The following NALF1 variants were observed in gnomAD, a reference collection of about 807,000 sequenced individuals.
NALF1 encodes family with sequence similarity 155 member A.
NALF1 carries 3 observed loss-of-function variants against 48.4 expected under a neutral mutation model. That is an observed-to-expected ratio of 0.06 (90% CI 0.03 to 0.16). The LOEUF is 0.16. Among genes scored for constraint, NALF1 ranks in the 10% least tolerant of loss-of-function variants. NALF1 has a pLI of 1.00. For synonymous variants in NALF1, 262 were observed against 245.7 expected, an observed-to-expected ratio of 1.07 and a Z score of -0.62; for missense variants, 526 against 571.5, an observed-to-expected ratio of 0.92 and a Z score of 0.81.
chr13:107,611,930 AGAAAG>A (rs1475351533), intron 1 of NALF1, among the ~76,000 whole-genome samples: 2 of 149,870 alleles, frequency 1.3e-5, no homozygotes, highest in African/African-American at 2.5e-5. Flanking sequence ...CTCAGAAGAA[AGAAAG>A]GAAAGACAAA....
At chr13:107,221,739 C>T (rs1200938718) in intron 1 of NALF1, among the ~76,000 whole-genome samples, 8 of 152,090 alleles carry the variant, frequency 5.3e-5, no homozygotes, top group Non-Finnish European at 1.2e-4. Flanking sequence ...CAAAGTCCCA[C>T]AGCAAAATGT....
intron 1 of NALF1, among the ~76,000 whole-genome samples, chr13:107,404,641 C>G (rs1002132814): frequency 1.1e-4 from 17 of 152,050 alleles, no homozygotes. Flanking sequence ...AGAAGGTCAA[C>G]AAATATTTCA....
chr13:107,233,076 G>C lies in NALF1; in HGVS notation c.916-22321C>G, dbSNP rs144144303. 3.3e-3 allele frequency among the ~76,000 whole-genome samples: 503 copies of C among 152,072 alleles called. 3 individuals are homozygous for C. Among genetic ancestry groups the C allele is most frequent in the Non-Finnish European group, 2.7e-3 (181 of 67,940 alleles). ...GCTTCTCTTTCTGGGAAGTGTTTTGGGTTGAAGGGGAAGCTTTTAATTCTA... is the reference window on the plus strand; with the variant it reads ...GCTTCTCTTTCTGGGAAGTGTTTTGCGTTGAAGGGGAAGCTTTTAATTCTA... On this transcript the variant is annotated intron_variant, in intron 1 of 2. Transcript: ENST00000375915.
At chr13:107,632,934 G>A (rs962902585) in intron 1 of NALF1, among the ~76,000 whole-genome samples, 1 of 147,762 alleles carries the variant, frequency 6.8e-6, no homozygotes, top group South Asian at 2.1e-4. Flanking sequence ...GGAATGGCAA[G>A]GTGTGTGGAT....
chr13:107,203,805 CTT>C (rs936900366), intron 2 of NALF1, among the ~76,000 whole-genome samples: 14 of 152,248 alleles, frequency 9.2e-5, no homozygotes, highest in African/African-American at 3.4e-4. Flanking sequence ...CATTTCTCCT[CTT>C]AGACCAGGCA....
chr13:107,600,470 T>TATGCTA (rs1215114189), intron 1 of NALF1, among the ~76,000 whole-genome samples: 1 of 46,508 alleles, frequency 2.2e-5, no homozygotes, highest in Non-Finnish European at 4.5e-5. Context: ...AATGGCCAGA[T>TATGCTA]ATTCTAACTA....
At chr13:107,798,144 G>T (rs1377710237) in intron 1 of NALF1, among the ~76,000 whole-genome samples, 2 of 152,092 alleles carry the variant, frequency 1.3e-5, no homozygotes, top group East Asian at 3.8e-4. Context: ...TCATTCTTTG[G>T]AATATGGGGC....
At chr13:107,834,361 G>A (rs1194862373) in intron 1 of NALF1, among the ~76,000 whole-genome samples, 3 of 152,116 alleles carry the variant, frequency 2.0e-5, no homozygotes, top group Admixed American at 2.0e-4. Flanking sequence ...CATTACATTT[G>A]AGCCAGAGAG....
At chr13:107,387,725 T>C (rs933256434) in intron 1 of NALF1, among the ~76,000 whole-genome samples, 3 of 152,210 alleles carry the variant, frequency 2.0e-5, no homozygotes, top group African/African-American at 7.2e-5. Context: ...AAGTGCTGAC[T>C]GTGCAAGCCC....
At chr13:107,198,151 A>G (rs1304568974) in intron 2 of NALF1, among the ~76,000 whole-genome samples, 1 of 152,164 alleles carries the variant, frequency 6.6e-6, no homozygotes, top group Non-Finnish European at 1.5e-5. Context: ...GTGCAGTTTT[A>G]AATTTTCAGC....
chr13:107,711,058 G>T (rs910267568), intron 1 of NALF1, among the ~76,000 whole-genome samples: 1 of 151,902 alleles, frequency 6.6e-6, no homozygotes, highest in African/African-American at 2.4e-5. Context: ...TTATCCTACA[G>T]TTTCTTTATC....
At chr13:107,503,424 G>T (rs1369999149) in intron 1 of NALF1, among the ~76,000 whole-genome samples, 1 of 152,008 alleles carries the variant, frequency 6.6e-6, no homozygotes, top group African/African-American at 2.4e-5. Context: ...GCACAAAAAT[G>T]GCTCTTATAA....
intron 1 of NALF1, among the ~76,000 whole-genome samples, chr13:107,593,318 A>T (rs1878650384): frequency 6.6e-6 from 1 of 151,926 alleles, no homozygotes; most frequent in South Asian, 2.1e-4. Context: ...TTAATATTTT[A>T]ATCAAATATT....
At chr13:107,268,761 G>T (rs925175110) in intron 1 of NALF1, among the ~76,000 whole-genome samples, 1 of 152,034 alleles carries the variant, frequency 6.6e-6, no homozygotes, top group Non-Finnish European at 1.5e-5. Context: ...TCCAGGGGAC[G>T]GTATTCCAGT....
At chr13:107,811,756 C>G (rs150661158) in intron 1 of NALF1, among the ~76,000 whole-genome samples, 98 of 152,238 alleles carry the variant, frequency 6.4e-4, no homozygotes, top group African/African-American at 2.2e-3. Context: ...TGGGGAGGGC[C>G]TCATCTCATG....
intron 1 of NALF1, chr13:107,835,522 G>A (rs964619721): frequency 3.9e-5 from 6 of 152,088 alleles, no homozygotes; most frequent in African/African-American, 1.4e-4. Flanking sequence ...AGGAAGTGAG[G>A]GCTTTTGTCA....
At chr13:107,405,438 G>A (rs117850512) in intron 1 of NALF1, among the ~76,000 whole-genome samples, 3,010 of 152,124 alleles carry the variant, frequency 0.02, 37 homozygotes, top group Middle Eastern at 0.041. Flanking sequence ...GTGCCTTGAA[G>A]TGGCCTTTCT....
chr13:107,829,572 C>G (rs1484052434), intron 1 of NALF1, among the ~76,000 whole-genome samples: 1 of 151,850 alleles, frequency 6.6e-6, no homozygotes, highest in Non-Finnish European at 1.5e-5. Context: ...AAGAGAACCT[C>G]CTTTTTGCAT....
chr13:107,315,329 A>G (rs910538829), intron 1 of NALF1, among the ~76,000 whole-genome samples: 1 of 152,048 alleles, frequency 6.6e-6, no homozygotes, highest in African/African-American at 2.4e-5. Flanking sequence ...ATTACCTTCT[A>G]ATACTCATCC....
Sources: allele counts gnomAD v4.1 joint callset (sites outside exome capture counted in the v4.1 genomes callset), GRCh38; gene constraint gnomAD v4.1.1; transcripts MANE v1.5; gene names NCBI Gene and HGNC (gene_info 2026-07-23, HGNC 2026-07-21).